Variants in RPL15 observed in about 807,000 individuals in gnomAD.
RPL15 encodes large ribosomal subunit protein eL15.
For missense variants in RPL15, 161 were observed against 271.8 expected (o/e 0.59, Z 2.87); for synonymous variants, 97 against 95.1 (o/e 1.02, Z -0.12).
At chr3:23,923,777 A>G (rs1705158670), downstream of RPL15, 2 of 152,252 alleles carry the variant, frequency 1.3e-5, no homozygotes, top group African/African-American at 4.8e-5. Flanking sequence ...ACCAATTTTC[A>G]CTACCACCAG....
chr3:23,924,230 C>T (rs1310523317), downstream of RPL15: 1 of 152,212 alleles, frequency 6.6e-6, no homozygotes, highest in Non-Finnish European at 1.5e-5. Flanking sequence ...TTAGCCCTAA[C>T]TAATTCAATA....
At chr3:23,921,403 T>C (rs1156387866), downstream of RPL15, among the ~76,000 whole-genome samples, 2 of 152,188 alleles carry the variant, frequency 1.3e-5, no homozygotes. Context: ...TTGCTGTTTG[T>C]TCTTCAAATA....
intron 2 of RPL15, 84 bp downstream of exon 2, chr3:23,918,115 T>G: frequency 6.8e-7 from 1 of 1,469,776 alleles, no homozygotes; most frequent in Non-Finnish European, 9.2e-7. Context: ...CACTGCTGCC[T>G]CAGTGTCTTT....
downstream of RPL15, chr3:23,921,603 G>A (rs1394348688): frequency 5.6e-6 from 3 of 538,684 alleles, no homozygotes; most frequent in African/African-American, 6.6e-5. Flanking sequence ...TCCAGATGGA[G>A]TCTCACTCTC....
chr3:23,923,330 C>CCTGCCT (rs1705148695), downstream of RPL15: 1 of 151,772 alleles, frequency 6.6e-6, no homozygotes, highest in Admixed American at 6.6e-5. Flanking sequence ...AAGCGATTCT[C>CCTGCCT]CTGCCTCAGC....
downstream of RPL15, chr3:23,922,192 C>G (rs755503960): frequency 6.6e-6 from 1 of 152,220 alleles, no homozygotes; most frequent in Non-Finnish European, 1.5e-5. The surrounding 1 kb of genome is among the most constrained non-coding windows in gnomAD (Gnocchi z 4.2). Flanking sequence ...CTGTAGTCTC[C>G]GAAATCACAC....
downstream of RPL15, chr3:23,922,078 A>G (rs191701401): frequency 1.0e-3 from 158 of 155,876 alleles, no homozygotes; most frequent in Non-Finnish European, 1.9e-3. The surrounding 1 kb of genome is among the most constrained non-coding windows in gnomAD (Gnocchi z 4.2). Flanking sequence ...CACTTTCGGT[A>G]ACCAAGGTGG....
chr3:23,917,787 C>T lies in RPL15; in HGVS notation c.-10-63C>T, dbSNP rs991456487. 12 of 1,468,674 alleles carry T rather than the reference C, an allele frequency of 8.2e-6. No individual in the cohort carries two copies. In the Admixed American group the frequency reaches 1.1e-4, roughly 13 times the overall value. The allele number at this position is 1,468,674 out of a possible 1,614,324, so 91.0% of individuals were successfully genotyped here. A position where few individuals can be genotyped will look rare whatever the true frequency, so the allele number is the denominator to read the frequency against. ...GTTTTTGTTGGGGAACTAAGATGGA[C>T]GGATACAGTCGTCTTATTGTACTTA... is the stretch of plus-strand genomic sequence containing the variant. On this transcript the variant is annotated intron_variant, in intron 1 of 3. Transcript: ENST00000307839.
chr3:23,921,477 A>G, downstream of RPL15: 1 of 636,802 alleles, frequency 1.6e-6, no homozygotes, highest in East Asian at 2.7e-5. Context: ...GGGTCACTTT[A>G]TTAGCTATAC....
At position 23,920,581 on chromosome 3, in the gene RPL15, G is replaced by C; in HGVS notation, c.*1080G>C. The C allele has an allele frequency of 1.0e-6, 1 of 985,282 alleles. No homozygotes were observed. The highest frequency in any genetic ancestry group is 1.2e-6 in the Non-Finnish European group (1 of 829,840). 61.0% of individuals were successfully genotyped at this position (985,282 alleles called of 1,614,324 possible). ...TGTCCAGGGTCAATTTGAGTGTAAA[G>C]AAAATGTAGACAAGGAATTGCCCAA... is the stretch of plus-strand genomic sequence containing the variant. On this transcript the variant is annotated 3_prime_UTR_variant, in exon 4 of 4. Transcript: ENST00000307839.
chr3:23,919,114 A>G (rs1451002911), intron 3 of RPL15, 82 bp from the exon 4 acceptor site: 3 of 914,658 alleles, frequency 3.3e-6, no homozygotes, highest in East Asian at 2.4e-5. Context: ...GTGGTGAACT[A>G]GAGTTGAGAA....
In RPL15 at chr3:23,919,805, T is replaced by G. The variant is rs1419143243; in HGVS notation, c.*304T>G. ...AAAAGGAGAGAACTGAAACTAGCCC[T>G]GTAGATTTGTCTGGTGCATGTGATG... On this transcript the variant is annotated 3_prime_UTR_variant, in exon 4 of 4. Transcript: ENST00000307839. The G allele has an allele frequency of 1.9e-6, 2 of 1,068,690 alleles. No homozygotes were observed. Among genetic ancestry groups the G allele is most frequent in the Non-Finnish European group, 2.3e-6 (2 of 883,706 alleles). The allele number at this position is 1,068,690 out of a possible 1,614,324, so 66.2% of individuals were successfully genotyped here. A position where few individuals can be genotyped will look rare whatever the true frequency, so the allele number is the denominator to read the frequency against.
chr3:23,918,417 A>G (rs1559511435), intron 2 of RPL15, 23 bp from the exon 3 acceptor site: 5 of 1,607,608 alleles, frequency 3.1e-6, no homozygotes, highest in Admixed American at 3.4e-5. Context: ...AAAATCACTA[A>G]TTTCGTGTGT....
chr3:23,920,394 T>A lies in RPL15; in HGVS notation c.*893T>A. 2 of 985,364 alleles carry A rather than the reference T, an allele frequency of 2.0e-6. No homozygotes were observed. Among genetic ancestry groups the A allele is most frequent in the Non-Finnish European group, 2.4e-6 (2 of 829,842 alleles). 61.0% of individuals were successfully genotyped at this position (985,364 alleles called of 1,614,324 possible). ...CACAAGCGCATGGTTTCCAACCATA[T>A]GTGTTTTCTGCAGTTATTTCTCTTG... On this transcript the variant is annotated 3_prime_UTR_variant, in exon 4 of 4. Transcript: ENST00000307839.
downstream of RPL15, chr3:23,921,710 G>A (rs368292611): frequency 9.5e-4 from 619 of 652,120 alleles, no homozygotes; most frequent in Middle Eastern, 7.4e-3. Context: ...AAATAGCCAG[G>A]ACTACAGGCG....
chr3:23,919,103 G>A (rs1704918956), intron 3 of RPL15, 93 bp from the exon 4 acceptor site: 1 of 814,966 alleles, frequency 1.2e-6, no homozygotes, highest in Non-Finnish European at 2.1e-6. Context: ...ACTCTTGTCT[G>A]GTGGTGAACT....
At chr3:23,916,924 C>T (rs1042950150), upstream of RPL15, 10 of 152,716 alleles carry the variant, frequency 6.5e-5, no homozygotes, top group African/African-American at 2.2e-4. Flanking sequence ...TCGCCGCCAA[C>T]TCTCTCACCT....
chr3:23,921,396 CTGTT>C (rs375682794), downstream of RPL15, among the ~76,000 whole-genome samples: 273 of 152,322 alleles, frequency 1.8e-3, 1 homozygote, highest in African/African-American at 6.3e-3. Context: ...AGGCTCCTTG[CTGTT>C]TGTTCTTCAA....
downstream of RPL15, chr3:23,921,720 G>A (rs993936541): frequency 8.7e-5 from 56 of 643,740 alleles, no homozygotes; most frequent in South Asian, 4.4e-4. Context: ...GACTACAGGC[G>A]CACACTGCCA....
Sources: gnomAD v4.1 joint callset for allele counts (sites outside exome capture counted in the v4.1 genomes callset) on GRCh38, gnomAD v4.1.1 for gene constraint, Gnocchi (gnomAD v3.1) non-coding constraint, MANE v1.5 for transcripts, NCBI Gene and HGNC (gene_info 2026-07-23, HGNC 2026-07-21) for gene names.